MEMO1: variants seen among roughly 807,000 people sequenced by gnomAD.
MEMO1 encodes the protein mediator of cell motility 1.
A neutral mutation model predicts 45.2 loss-of-function variants in MEMO1; 6 were observed. The ratio of observed to expected loss-of-function variants is 0.13; its 90% CI spans 0.07 to 0.26. The LOEUF (loss-of-function observed/expected upper bound fraction) is 0.26. Among genes scored for constraint, MEMO1 ranks in the 10% least tolerant of loss-of-function variants. The pLI is 1.00. For missense variants in MEMO1, 184 were observed against 370.5 expected (o/e 0.50, Z 4.13); for synonymous variants, 78 against 124.3 (o/e 0.63, Z 2.48).
chr2:32,000,293 G>A (rs1326538263), intron 2 of MEMO1, among the ~76,000 whole-genome samples: 4 of 150,882 alleles, frequency 2.7e-5, no homozygotes, highest in Admixed American at 6.6e-5. Context: ...GCAGTGGTGC[G>A]ATCTCAGCTC....
At chr2:31,952,230 T>C (rs1272811062) in intron 2 of MEMO1, among the ~76,000 whole-genome samples, 1 of 152,246 alleles carries the variant, frequency 6.6e-6, no homozygotes, top group African/African-American at 2.4e-5. Flanking sequence ...CTTGGATTCC[T>C]TACTATCTAC....
intron 3 of MEMO1, among the ~76,000 whole-genome samples, chr2:31,942,362 T>C (rs1368308642): frequency 6.6e-6 from 1 of 152,220 alleles, no homozygotes; most frequent in Non-Finnish European, 1.5e-5. Context: ...CTCTTTAATA[T>C]TTAAAATAGA....
intron 6 of MEMO1, among the ~76,000 whole-genome samples, chr2:31,906,300 GTTT>G (rs566139722): frequency 6.7e-6 from 1 of 148,508 alleles, no homozygotes; most frequent in African/African-American, 2.5e-5. Flanking sequence ...TTTTGTTTTT[GTTT>G]TTTTTGTTTG....
chr2:31,917,870 A>T (rs1681698240), intron 6 of MEMO1, 56 bp downstream of exon 6: 2 of 1,214,224 alleles, frequency 1.6e-6, no homozygotes, highest in Non-Finnish European at 2.3e-6. Context: ...GTTTTAAATT[A>T]CCAAAGAAAT....
chr2:31,925,196 G>A (rs1003044853), intron 4 of MEMO1, among the ~76,000 whole-genome samples: 5 of 152,048 alleles, frequency 3.3e-5, no homozygotes, highest in African/African-American at 7.2e-5. Context: ...TGTGTTCCTC[G>A]GTTGGGTGCA....
intron 2 of MEMO1, among the ~76,000 whole-genome samples, chr2:31,995,126 G>T (rs1370304939): frequency 1.3e-5 from 2 of 152,024 alleles, no homozygotes; most frequent in East Asian, 3.9e-4. Flanking sequence ...TATTCAATAT[G>T]CCCAAAAATC....
At chr2:32,004,656 C>T (rs896535316) in intron 2 of MEMO1, among the ~76,000 whole-genome samples, 1 of 152,162 alleles carries the variant, frequency 6.6e-6, no homozygotes, top group African/African-American at 2.4e-5. Context: ...GGCACAGTGG[C>T]TCACACCTGT....
intron 2 of MEMO1, among the ~76,000 whole-genome samples, chr2:31,959,468 A>C (rs1200012737): frequency 6.6e-6 from 1 of 152,006 alleles, no homozygotes; most frequent in Non-Finnish European, 1.5e-5. Context: ...AACAGAATCC[A>C]ACTCTCTCTA....
At chr2:31,917,571 T>C (rs2148153590) in intron 6 of MEMO1, among the ~76,000 whole-genome samples, 1 of 152,322 alleles carries the variant, frequency 6.6e-6, no homozygotes, top group Non-Finnish European at 1.5e-5. Context: ...CCTAAAATTT[T>C]ACGATTAATT....
intron 4 of MEMO1, among the ~76,000 whole-genome samples, chr2:31,924,028 A>G (rs13006751): frequency 0.12 from 18,349 of 152,106 alleles, 1,200 homozygotes; most frequent in Middle Eastern, 0.19. Flanking sequence ...TAGAAAACTC[A>G]CCAATAGCCA....
chr2:31,925,475 C>CAAAAAAAAAAAAAAAAA (rs70964741), intron 4 of MEMO1, among the ~76,000 whole-genome samples: 4 of 79,218 alleles, frequency 5.0e-5, no homozygotes, highest in South Asian at 3.3e-4. Context: ...GACTCCGTCT[C>CAAAAAAAAAAAAAAAAA]AAAAAAAAAA....
intron 7 of MEMO1, among the ~76,000 whole-genome samples, chr2:31,884,229 G>C (rs1177100618): frequency 6.6e-6 from 1 of 152,094 alleles, no homozygotes; most frequent in Non-Finnish European, 1.5e-5. Context: ...TTTCCTACTA[G>C]TTACATGAAA....
chr2:31,947,815 G>C (rs893998894), intron 2 of MEMO1, among the ~76,000 whole-genome samples: 1 of 151,326 alleles, frequency 6.6e-6, no homozygotes, highest in Non-Finnish European at 1.5e-5. Context: ...CACTAAATAC[G>C]CACACACACA....
chr2:31,892,091 G>C lies in MEMO1; in HGVS notation c.481C>G (p.Leu161Val). The change falls in exon 7 of 10, where the codon CTG becomes GTG. Residue 161 changes from leucine (L) to valine (V), a missense_variant. By Grantham distance (32) the Leu-to-Val change is conservative. This residue lies in a region of MEMO1 where 97 missense variants were observed against 209.3 expected (regional missense o/e 0.46). Coordinates refer to ENST00000404530, the MANE Select transcript of MEMO1 (RefSeq NM_001301833.4). Reference sequence around the variant, plus strand: ...AATTCCTGTTCTTTTGACTCACTCAGAGCTCCAACCAGTACAGGAATAATG... The same window carrying C: ...AATTCCTGTTCTTTTGACTCACTCACAGCTCCAACCAGTACAGGAATAATG... ...FTIIPVLVGA[L>V]SESKEQEFGK... 2 of 1,612,298 alleles carry C rather than the reference G, an allele frequency of 1.2e-6. No individual in the cohort carries two copies. Among genetic ancestry groups the C allele is most frequent in the Non-Finnish European group, 1.7e-6 (2 of 1,179,126 alleles).
chr2:31,912,513 CAAAAAAA>C (rs752295550), intron 6 of MEMO1, among the ~76,000 whole-genome samples: 2 of 60,536 alleles, frequency 3.3e-5, no homozygotes, highest in Non-Finnish European at 6.9e-5. Flanking sequence ...AACTCTGTCT[CAAAAAAA>C]AAAAAAAAAA....
intron 2 of MEMO1, among the ~76,000 whole-genome samples, chr2:31,953,601 G>A (rs754933691): frequency 2.0e-5 from 3 of 151,742 alleles, no homozygotes; most frequent in Non-Finnish European, 4.4e-5. Context: ...GATTACAGAT[G>A]TGCACCACCA....
At chr2:31,961,668 C>A (rs955401368) in intron 2 of MEMO1, among the ~76,000 whole-genome samples, 2 of 151,812 alleles carry the variant, frequency 1.3e-5, no homozygotes, top group Non-Finnish European at 2.9e-5. Flanking sequence ...GCCCCAGCTA[C>A]TCAGGAAGCT....
chr2:31,878,216 G>C (rs879574460), intron 8 of MEMO1, among the ~76,000 whole-genome samples: 8 of 152,260 alleles, frequency 5.3e-5, no homozygotes, highest in Admixed American at 5.2e-4. Context: ...GTCCACGGTA[G>C]AGTGAAGGAA....
At chr2:31,989,794 T>C (rs1033117242) in intron 2 of MEMO1, among the ~76,000 whole-genome samples, 3 of 152,166 alleles carry the variant, frequency 2.0e-5, no homozygotes, top group Admixed American at 1.3e-4. Context: ...GCGTTAAATA[T>C]GGCTATCCAT....
Sources: allele counts gnomAD v4.1 joint callset (sites outside exome capture counted in the v4.1 genomes callset), GRCh38; gene constraint gnomAD v4.1.1; regional missense constraint gnomAD v4.1.1; transcripts MANE v1.5; gene names NCBI Gene and HGNC (gene_info 2026-07-23, HGNC 2026-07-21).